The following EYS variants were observed in gnomAD, a reference collection of about 807,000 sequenced individuals.
EYS encodes protein eyes shut homolog.
Under a neutral mutation model 282.1 loss-of-function variants are expected in EYS, and 250 were observed. The observed-to-expected ratio is 0.89, with a 90% confidence interval of 0.80 to 0.98. The LOEUF (loss-of-function observed/expected upper bound fraction) is 0.98. EYS is among the 50% of genes least tolerant of loss of function. The pLI is 0.00. For missense variants in EYS, 4,016 were observed against 3,709.0 expected (o/e 1.08, Z -2.15); for synonymous variants, 1,355 against 1,282.9 (o/e 1.06, Z -1.20).
At chr6:65,122,978 G>A (rs1485100648) in intron 12 of EYS, among the ~76,000 whole-genome samples, 1 of 151,960 alleles carries the variant, frequency 6.6e-6, no homozygotes. Flanking sequence ...ACAATTAGTC[G>A]TGATTTCTAA....
intron 12 of EYS, among the ~76,000 whole-genome samples, chr6:65,280,661 TTGTAA>T (rs1036694063): frequency 3.3e-5 from 5 of 151,954 alleles, no homozygotes; most frequent in African/African-American, 9.7e-5. Flanking sequence ...TTTCACATAC[TTGTAA>T]TGTAAAATTA....
intron 31 of EYS, among the ~76,000 whole-genome samples, chr6:64,087,272 C>T (rs1772187195): frequency 2.0e-5 from 3 of 152,100 alleles, no homozygotes; most frequent in Admixed American, 6.5e-5. Flanking sequence ...TACTACATCC[C>T]AAATACTCAT....
At chr6:65,388,000 T>C (rs1220062130) in intron 7 of EYS, among the ~76,000 whole-genome samples, 2 of 152,002 alleles carry the variant, frequency 1.3e-5, no homozygotes, top group Non-Finnish European at 2.9e-5. Flanking sequence ...TTTATTCTTA[T>C]AATAGAATCT....
Position 64,695,625 on chromosome 6 carries a change from C to T in EYS, c.3444-69380G>A, listed in dbSNP as rs544266632. On this transcript the variant is annotated intron_variant, in intron 22 of 42. Transcript: ENST00000503581. ...TTTGAGAAGGAGTCTAGCTCTGTCA[C>T]CCAGGCTGGAGTGCAGTGGCATGAT... Among the ~76,000 whole-genome samples the T allele has an allele frequency of 2.0e-5, 3 of 148,486 alleles. No homozygotes were observed. The South Asian group carries it at 6.4e-4, about 32-fold the overall frequency.
intron 7 of EYS, among the ~76,000 whole-genome samples, chr6:65,394,736 C>T (rs560504708): frequency 1.3e-5 from 2 of 152,112 alleles, no homozygotes; most frequent in Admixed American, 1.3e-4. Context: ...GTTCTTTTCC[C>T]CCAAGCAGCT....
At chr6:65,087,674 C>A (rs1774423079) in intron 12 of EYS, among the ~76,000 whole-genome samples, 1 of 152,140 alleles carries the variant, frequency 6.6e-6, no homozygotes, top group African/African-American at 2.4e-5. Flanking sequence ...CTAAACCCCT[C>A]ATGTCTATTA....
Position 65,150,025 on chromosome 6 carries a change from G to A in EYS, c.2024-92298C>T, listed in dbSNP as rs373761312. Among the ~76,000 whole-genome samples, 27 of 152,070 alleles carry A rather than the reference G, an allele frequency of 1.8e-4. No homozygotes were observed. The East Asian group carries it at 2.9e-3, about 17-fold the overall frequency. ...TGTTTACAAAACCATCAGATCTCAGGAGAACTCACTATCATGAGAACAGCA... is the reference window on the plus strand; with the variant it reads ...TGTTTACAAAACCATCAGATCTCAGAAGAACTCACTATCATGAGAACAGCA... On this transcript the variant is annotated intron_variant, in intron 12 of 42. Transcript: ENST00000503581.
chr6:63,994,828 A>G (rs1042751773), intron 34 of EYS, among the ~76,000 whole-genome samples: 2 of 152,018 alleles, frequency 1.3e-5, no homozygotes, highest in African/African-American at 2.4e-5. Context: ...GATTTTGAAA[A>G]TTGAAAAAAT....
At chr6:65,310,270 G>A (rs1185091706) in intron 11 of EYS, among the ~76,000 whole-genome samples, 1 of 152,058 alleles carries the variant, frequency 6.6e-6, no homozygotes, top group Non-Finnish European at 1.5e-5. Flanking sequence ...CTTGAACCCA[G>A]GAGGCAGAGG....
intron 12 of EYS, among the ~76,000 whole-genome samples, chr6:65,174,270 T>C (rs1406158774): frequency 1.3e-5 from 2 of 151,340 alleles, no homozygotes; most frequent in Non-Finnish European, 3.0e-5. Flanking sequence ...GCTGTAAATA[T>C]GGCCTAGAAC....
In EYS at chr6:64,414,747, C is replaced by T. The variant is rs142224059; in HGVS notation, c.5927+21427G>A. 3.7e-3 allele frequency among the ~76,000 whole-genome samples: 568 copies of T among 152,162 alleles called. 5 individuals carry two copies. Among genetic ancestry groups the T allele is most frequent in the African/African-American group, 0.013 (545 of 41,518 alleles). On this transcript the variant is annotated intron_variant, in intron 28 of 42. Transcript: ENST00000503581. The stretch of plus-strand genomic sequence containing the variant: ...GCCATTTATAATGGTTTATACTTTG[C>T]CCGTTGCTTTTCAAACAATGGACCT...
At chr6:64,099,968 C>T (rs1043697962) in intron 31 of EYS, among the ~76,000 whole-genome samples, 12 of 152,052 alleles carry the variant, frequency 7.9e-5, no homozygotes, top group African/African-American at 2.9e-4. Flanking sequence ...AATTCTGAAA[C>T]AGTTTTTCTT....
Position 64,950,829 on chromosome 6 carries a change from ATAT to A in EYS, c.2260-4918_2260-4916del, listed in dbSNP as rs1562272772. Among the ~76,000 whole-genome samples, 50 of 119,492 alleles carry A rather than the reference ATAT, an allele frequency of 4.2e-4. 3 individuals carry two copies. Among genetic ancestry groups the A allele is most frequent in the Non-Finnish European group, 7.2e-4 (42 of 58,566 alleles). 78.4% of individuals were successfully genotyped at this position (119,492 alleles called of 152,430 possible). ...TATATATATATATATATATATATATATATATTGTTGAATTGTTACAAGAACAAC... is the reference window on the plus strand; with the variant it reads ...TATATATATATATATATATATATATAATTGTTGAATTGTTACAAGAACAAC... On this transcript the variant is annotated intron_variant, in intron 14 of 42. Coordinates refer to ENST00000503581, the MANE Select transcript of EYS (RefSeq NM_001142800.2).
chr6:63,837,704 T>C (rs1771844409), intron 36 of EYS, among the ~76,000 whole-genome samples: 1 of 152,176 alleles, frequency 6.6e-6, no homozygotes, highest in Non-Finnish European at 1.5e-5. Flanking sequence ...ATCGTCCAAA[T>C]TAAGAACTAT....
Position 65,437,297 on chromosome 6 carries a change from T to A in EYS, c.863-31930A>T, listed in dbSNP as rs946262956. Among the ~76,000 whole-genome samples the A allele has an allele frequency of 2.7e-5, 4 of 149,876 alleles. No homozygotes were observed. The Admixed American group carries it at 2.7e-4, about 10-fold the overall frequency. ...TTACAGGATTAAAGAGAGAAAAACA[T>A]ATATTAGTGTTTTTTAATGGTAACA... On this transcript the variant is annotated intron_variant, in intron 5 of 42. Transcript: ENST00000503581.
chr6:65,488,375 CTT>C (rs1374853893), intron 5 of EYS, among the ~76,000 whole-genome samples: 1 of 152,124 alleles, frequency 6.6e-6, no homozygotes, highest in African/African-American at 2.4e-5. Flanking sequence ...TACGTTGTGT[CTT>C]TGTTCTCATT....
intron 36 of EYS, among the ~76,000 whole-genome samples, chr6:63,828,003 A>C (rs1197054450): frequency 1.3e-5 from 2 of 152,218 alleles, no homozygotes; most frequent in African/African-American, 4.8e-5. Flanking sequence ...TGATAAAAAG[A>C]CAATCAAGAT....
intron 11 of EYS, among the ~76,000 whole-genome samples, chr6:65,306,221 T>C (rs184627802): frequency 5.3e-5 from 8 of 152,230 alleles, no homozygotes; most frequent in Admixed American, 5.2e-4. Flanking sequence ...TGTTGGCTCC[T>C]AAGGAACTGC....
intron 21 of EYS, chr6:64,815,343 C>T (rs1387055386): frequency 1.0e-5 from 3 of 289,838 alleles, no homozygotes; most frequent in African/African-American, 2.3e-5. Context: ...AAACATGTTT[C>T]TCCCCTAACT....
Sources: gnomAD v4.1 joint callset for allele counts (sites outside exome capture counted in the v4.1 genomes callset) on GRCh38, gnomAD v4.1.1 for gene constraint, MANE v1.5 for transcripts, NCBI Gene and HGNC (gene_info 2026-07-23, HGNC 2026-07-21) for gene names.